The following NRN1 variants were observed in gnomAD, a reference collection of about 807,000 sequenced individuals.
NRN1 encodes neuritin 1.
A neutral mutation model predicts 15.0 loss-of-function variants in NRN1; 4 were observed. The ratio of observed to expected loss-of-function variants is 0.27; its 90% confidence interval spans 0.13 to 0.61. NRN1 has a LOEUF of 0.61. Among genes scored for constraint, NRN1 ranks in the 20% least tolerant of loss-of-function variants. NRN1 has a pLI of 0.87. For missense variants in NRN1, 134 were observed against 181.9 expected, an observed-to-expected ratio of 0.74 and a Z score of 1.51; for synonymous variants, 85 against 79.8, an observed-to-expected ratio of 1.07 and a Z score of -0.35.
intron 1 of NRN1, 66 bp downstream of exon 1, chr6:6,006,629 C>T: frequency 8.5e-6 from 13 of 1,527,740 alleles, no homozygotes; most frequent in Non-Finnish European, 1.2e-5. Flanking sequence ...AGTCCCCCTC[C>T]GCGCCTCGGG....
chr6:6,004,026 G>A (rs1185305216), intron 1 of NRN1: 2 of 1,191,592 alleles, frequency 1.7e-6, no homozygotes, highest in Admixed American at 9.0e-5. Context: ...CGCCGAAGAG[G>A]AAGGTGACCG....
Position 6,002,445 on chromosome 6 carries a change from C to G in NRN1, c.108G>C (p.Lys36Asn). 1 of 1,614,230 alleles carries G rather than the reference C, an allele frequency of 6.2e-7. No individual in the cohort carries two copies. Among genetic ancestry groups the G allele is most frequent in the Non-Finnish European group, 8.5e-7 (1 of 1,180,030 alleles). Residue 36 changes from lysine to asparagine, a missense_variant, in exon 2 of 3, where the codon AAG becomes AAC. Lys to Asn is a moderately conservative substitution (Grantham distance 94, BLOSUM62 0). Coordinates refer to ENST00000244766, the MANE Select transcript of NRN1 (RefSeq NM_016588.3). Reference protein sequence around the residue: ...RAAGKCDAVFKGFSDCLLKLG... With the variant: ...RAAGKCDAVFNGFSDCLLKLG... ...GCTTGAGCAAACAGTCCGAAAAGCC[C>G]TTGAAGACCGCATCGCACTTGCCCG...
upstream of NRN1, among the ~76,000 whole-genome samples, chr6:6,007,137 A>G (rs1758131671): frequency 6.6e-6 from 1 of 152,010 alleles, no homozygotes; most frequent in Admixed American, 6.5e-5. Flanking sequence ...AATTAATCAG[A>G]TATCTCCAAT....
chr6:5,999,263 CCGGGCTTG>C (rs1757864041), intron 2 of NRN1, 59 bp from the exon 3 acceptor site: 1 of 1,476,396 alleles, frequency 6.8e-7, no homozygotes, highest in Non-Finnish European at 9.4e-7. Flanking sequence ...CGGGAACACC[CCGGGCTTG>C]CGCCCCTGCG....
In NRN1 at chr6:5,998,945, G is replaced by T. The variant is rs1306306369; in HGVS notation, c.*31C>A. 2 of 1,534,366 alleles carry T rather than the reference G, an allele frequency of 1.3e-6. No individual in the cohort carries two copies. Among genetic ancestry groups the T allele is most frequent in the Non-Finnish European group, 1.8e-6 (2 of 1,117,802 alleles). On this transcript the variant is annotated 3_prime_UTR_variant, in exon 3 of 3. Transcript: ENST00000244766. ...TTTCCGGGAGCATGGAGTGAGTGTG[G>T]GTGGGCGCGCGGGGGGAGCTGGCCC...
At chr6:6,003,720 G>A in intron 1 of NRN1, 1 of 1,234,312 alleles carries the variant, frequency 8.1e-7, no homozygotes, top group Non-Finnish European at 1.0e-6. Flanking sequence ...CGGGCGCGCG[G>A]CTGTGGCCAT....
chr6:6,001,254 G>T (rs975788725), intron 2 of NRN1, among the ~76,000 whole-genome samples: 2 of 152,196 alleles, frequency 1.3e-5, no homozygotes, highest in Admixed American at 6.5e-5. Flanking sequence ...AGTGAGGAAA[G>T]ACTTCACAGT....
chr6:5,999,928 C>A (rs1001708964), intron 2 of NRN1, among the ~76,000 whole-genome samples: 3 of 152,214 alleles, frequency 2.0e-5, no homozygotes, highest in African/African-American at 7.2e-5. Context: ...CTCCTGCCTG[C>A]CTCTCTTCTC....
chr6:6,006,915 GACAGAA>G lies in NRN1; in HGVS notation c.-172_-167del, dbSNP rs1758125348. The G allele has an allele frequency of 2.0e-5, 7 of 351,870 alleles. No individual in the cohort carries two copies. The highest frequency in any genetic ancestry group is 1.6e-4 in the South Asian group (7 of 45,128). 21.8% of individuals were successfully genotyped at this position (351,870 alleles called of 1,614,324 possible). On this transcript the variant is annotated 5_prime_UTR_variant, in exon 1 of 3. Coordinates refer to ENST00000244766, the MANE Select transcript of NRN1 (RefSeq NM_016588.3). ...AGAGAAAGAGAGGGAGCGAGGAAGAGACAGAAAGAGAGAGAGAGAGAGAAAGAGAGA... is the reference window on the plus strand; with the variant it reads ...AGAGAAAGAGAGGGAGCGAGGAAGAGAGAGAGAGAGAGAGAGAAAGAGAGA...
chr6:6,000,748 T>TTTTTTTTTTA (rs1554145373), intron 2 of NRN1, among the ~76,000 whole-genome samples: 3,518 of 98,886 alleles, frequency 0.036, 509 homozygotes, highest in East Asian at 0.058. Context: ...TTTTTTTTTT[T>TTTTTTTTTTA]ATGTACGCCC....
At chr6:6,003,266 T>C in intron 1 of NRN1, 1 of 1,234,482 alleles carries the variant, frequency 8.1e-7, no homozygotes, top group Non-Finnish European at 1.0e-6. Flanking sequence ...GCGCGGATGA[T>C]GAGTGGTCTG....
intron 1 of NRN1, among the ~76,000 whole-genome samples, chr6:6,005,679 C>T (rs1285965839): frequency 1.3e-5 from 2 of 152,212 alleles, no homozygotes; most frequent in Admixed American, 1.3e-4. Context: ...TAGGAGGTAA[C>T]AATTCCGTTT....
At chr6:6,007,039 G>A (rs1464537486), upstream of NRN1, 1 of 427,550 alleles carries the variant, frequency 2.3e-6, no homozygotes. Context: ...CCACGAGCAG[G>A]CCTGACGTGG....
Position 5,999,044 on chromosome 6 carries a change from G to GGGACCCC in NRN1, c.354_360dup (p.Leu121GlyfsTer57), listed in dbSNP as rs751999337. 6.2e-7 allele frequency: 1 copy of GGGACCCC among 1,613,894 alleles called. No individual in the cohort carries two copies. Among genetic ancestry groups the GGGACCCC allele is most frequent in the Non-Finnish European group, 8.5e-7 (1 of 1,179,928 alleles). On this transcript the variant is annotated frameshift_variant, in exon 3 of 3. Transcript: ENST00000244766. LOFTEE classifies it high-confidence loss of function. ...AGGAGCACCGGGAACGCCGGGAGCAGGGACCCCGCCGCCCCGTTGCCGCTG... is the reference window on the plus strand; with the variant it reads ...AGGAGCACCGGGAACGCCGGGAGCAGGGACCCCGGACCCCGCCGCCCCGTTGCCGCTG...
At position 5,999,042 on chromosome 6, in the gene NRN1, C is replaced by T. The variant is rs376690402; in HGVS notation, c.363G>A (p.Leu121=). Residue 121 remains leucine, a synonymous_variant, in exon 3 of 3, where the codon CTG becomes CTA. Transcript: ENST00000244766. ...CGSGNGAAGS[L]LPAFPVLLVS... ...CCAGGAGCACCGGGAACGCCGGGAG[C>T]AGGGACCCCGCCGCCCCGTTGCCGC... 8 of 1,613,760 alleles carry T rather than the reference C, an allele frequency of 5.0e-6. No individual in the cohort carries two copies. The highest frequency in any genetic ancestry group is 6.8e-6 in the Non-Finnish European group (8 of 1,179,940).
chr6:6,005,121 A>G lies in NRN1; in HGVS notation c.55+1574T>C, dbSNP rs1758073421. The stretch of plus-strand genomic sequence containing the variant: ...CAAAACGCGTCCCTCAGGCACGACC[A>G]CCGTCTTTTTTTTCCCTCCAAACCT... On this transcript the variant is annotated intron_variant, in intron 1 of 2. Coordinates refer to ENST00000244766, the MANE Select transcript of NRN1 (RefSeq NM_016588.3). 2.0e-5 allele frequency among the ~76,000 whole-genome samples: 3 copies of G among 152,096 alleles called. No individual in the cohort carries two copies. In the South Asian group the frequency reaches 6.2e-4, roughly 32 times the overall value.
At chr6:5,999,898 GC>G (rs1455525163) in intron 2 of NRN1, among the ~76,000 whole-genome samples, 1 of 152,026 alleles carries the variant, frequency 6.6e-6, no homozygotes, top group Non-Finnish European at 1.5e-5. Context: ...ACAGTTCCCG[GC>G]TCAGATTCGG....
In NRN1 at chr6:6,006,779, C is replaced by T. The variant is rs755986668; in HGVS notation, c.-30G>A. The T allele has an allele frequency of 8.7e-6, 14 of 1,611,160 alleles. No individual in the cohort carries two copies. The highest frequency in any genetic ancestry group is 4.0e-5 in the African/African-American group (3 of 74,858). ...CGTTTAGTCAAACCATTTGCGACCG[C>T]AGACCTTTAAATAGTTAGTTTAGAG... On this transcript the variant is annotated 5_prime_UTR_variant, in exon 1 of 3. Coordinates refer to ENST00000244766, the MANE Select transcript of NRN1 (RefSeq NM_016588.3).
At chr6:6,001,637 C>A (rs148236051) in intron 2 of NRN1, among the ~76,000 whole-genome samples, 1 of 152,180 alleles carries the variant, frequency 6.6e-6, no homozygotes, top group African/African-American at 2.4e-5. Flanking sequence ...AAGGAGAGTG[C>A]CTATTCCAAA....
Sources: gnomAD v4.1 joint callset for allele counts (sites outside exome capture counted in the v4.1 genomes callset) on GRCh38, gnomAD v4.1.1 for gene constraint, MANE v1.5 for transcripts, NCBI Gene and HGNC (gene_info 2026-07-23, HGNC 2026-07-21) for gene names.